The following DCC variants were observed in gnomAD, a reference collection of about 807,000 sequenced individuals.
DCC encodes DCC netrin 1 receptor, also known as netrin receptor DCC.
DCC carries 58 observed loss-of-function variants against 172.5 expected under a neutral mutation model. The observed-to-expected ratio is 0.34, with a 90% confidence interval of 0.27 to 0.42. The LOEUF is 0.42. Ranked by LOEUF, DCC falls within the 10% of genes least tolerant of loss-of-function variation. DCC has a pLI of 1.00. For synonymous variants in DCC, 709 were observed against 644.5 expected (o/e 1.10, Z -1.52); for missense variants, 1,740 against 1,791.0 (o/e 0.97, Z 0.51).
intron 1 of DCC, among the ~76,000 whole-genome samples, chr18:52,439,965 C>T (rs971813240): frequency 1.3e-5 from 2 of 152,100 alleles, no homozygotes; most frequent in Admixed American, 6.6e-5. Context: ...TAGCTGTTTT[C>T]CCAGGAAGGA....
intron 5 of DCC, among the ~76,000 whole-genome samples, chr18:53,035,420 G>A (rs1439872298): frequency 6.6e-6 from 1 of 152,086 alleles, no homozygotes; most frequent in Non-Finnish European, 1.5e-5. Flanking sequence ...ATGGTCTAAA[G>A]ATTCTGGATT....
intron 23 of DCC, among the ~76,000 whole-genome samples, chr18:53,450,976 C>A (rs542242097): frequency 8.5e-4 from 129 of 152,264 alleles, no homozygotes; most frequent in Non-Finnish European, 1.5e-3. Flanking sequence ...TCCACCATGC[C>A]CCTGTTTCTG....
At chr18:52,435,061 G>C (rs547929635) in intron 1 of DCC, among the ~76,000 whole-genome samples, 1 of 152,318 alleles carries the variant, frequency 6.6e-6, no homozygotes, top group African/African-American at 2.4e-5. Context: ...ACTTGAGTTT[G>C]TCTCTCTGGT....
At chr18:53,378,660 C>A (rs1286941757) in intron 15 of DCC, among the ~76,000 whole-genome samples, 4 of 152,142 alleles carry the variant, frequency 2.6e-5, no homozygotes, top group African/African-American at 9.7e-5. Flanking sequence ...TTGTTAAGCA[C>A]CTTCTATCTG....
chr18:53,306,281 T>G (rs2057199560), intron 13 of DCC, among the ~76,000 whole-genome samples: 1 of 152,218 alleles, frequency 6.6e-6, no homozygotes, highest in South Asian at 2.1e-4. Context: ...TTTTTTAAAT[T>G]TTATAAAATA....
chr18:52,400,165 C>A (rs1468707093), intron 1 of DCC, among the ~76,000 whole-genome samples: 2 of 151,902 alleles, frequency 1.3e-5, no homozygotes, highest in African/African-American at 4.8e-5. Context: ...TTTGTTCTGG[C>A]ACTTTTCAAG....
chr18:53,278,798 A>G (rs1325394433), intron 12 of DCC, among the ~76,000 whole-genome samples: 2 of 152,100 alleles, frequency 1.3e-5, no homozygotes, highest in East Asian at 3.9e-4. Flanking sequence ...CAACACCACA[A>G]AGTTGGTGTT....
At chr18:52,719,886 G>A (rs957685524) in intron 1 of DCC, among the ~76,000 whole-genome samples, 4 of 152,208 alleles carry the variant, frequency 2.6e-5, no homozygotes, top group African/African-American at 9.6e-5. Context: ...CAGGGCATGG[G>A]ATAAGGAGTG....
chr18:53,506,617 G>A (rs1020641941), intron 27 of DCC, among the ~76,000 whole-genome samples: 5 of 152,130 alleles, frequency 3.3e-5, no homozygotes, highest in African/African-American at 1.2e-4. Flanking sequence ...TAGCACTTTG[G>A]GAGGCTGAGG....
chr18:53,303,212 C>T (rs562722142), intron 12 of DCC, among the ~76,000 whole-genome samples: 58 of 152,244 alleles, frequency 3.8e-4, no homozygotes, highest in African/African-American at 1.3e-3. Flanking sequence ...AATTCATCTT[C>T]CAACTTATTT....
At chr18:52,538,193 C>T (rs1207873791) in intron 1 of DCC, among the ~76,000 whole-genome samples, 1 of 152,156 alleles carries the variant, frequency 6.6e-6, no homozygotes, top group Non-Finnish European at 1.5e-5. Flanking sequence ...TGCTTACCTC[C>T]AACTACCATC....
chr18:52,628,620 C>A (rs1366580479), intron 1 of DCC, among the ~76,000 whole-genome samples: 1 of 152,158 alleles, frequency 6.6e-6, no homozygotes, highest in African/African-American at 2.4e-5. Context: ...CACTCCCTAC[C>A]CACACCCCTA....
intron 5 of DCC, among the ~76,000 whole-genome samples, chr18:53,007,290 A>G (rs1010719474): frequency 6.6e-6 from 1 of 152,192 alleles, no homozygotes; most frequent in Non-Finnish European, 1.5e-5. Context: ...TAAATTTTAT[A>G]GTAAATTTAC....
intron 14 of DCC, among the ~76,000 whole-genome samples, chr18:53,333,923 T>G (rs2057561791): frequency 6.6e-6 from 1 of 152,200 alleles, no homozygotes; most frequent in South Asian, 2.1e-4. Context: ...CAGGTTTGAC[T>G]AATAGGCATC....
chr18:53,370,713 G>T (rs1165739188), intron 15 of DCC, among the ~76,000 whole-genome samples: 2 of 151,592 alleles, frequency 1.3e-5, no homozygotes, highest in East Asian at 1.9e-4. Context: ...TCCCATTACG[G>T]CCAGAGAAGA....
At chr18:53,354,074 C>T (rs1283627332) in intron 15 of DCC, among the ~76,000 whole-genome samples, 1 of 152,146 alleles carries the variant, frequency 6.6e-6, no homozygotes, top group Non-Finnish European at 1.5e-5. Context: ...CATCCATGTC[C>T]CTACAAAGGA....
chr18:52,413,679 T>A (rs530159817), intron 1 of DCC, among the ~76,000 whole-genome samples: 7 of 152,158 alleles, frequency 4.6e-5, no homozygotes, highest in East Asian at 1.9e-4. Flanking sequence ...CTCTATGAGG[T>A]TTTTAATCCT....
intron 12 of DCC, among the ~76,000 whole-genome samples, chr18:53,240,219 C>G (rs2056273339): frequency 6.6e-6 from 1 of 151,814 alleles, no homozygotes; most frequent in African/African-American, 2.4e-5. Context: ...GAAGAAAAAT[C>G]AGATAAACTT....
At chr18:52,373,073 CA>C (rs1411932836) in intron 1 of DCC, among the ~76,000 whole-genome samples, 1 of 152,042 alleles carries the variant, frequency 6.6e-6, no homozygotes, top group Admixed American at 6.6e-5. Flanking sequence ...GTTTGTTTTT[CA>C]GAGAGAAAGA....
Sources: gnomAD v4.1 joint callset for allele counts (sites outside exome capture counted in the v4.1 genomes callset) on GRCh38, gnomAD v4.1.1 for gene constraint, MANE v1.5 for transcripts, NCBI Gene and HGNC (gene_info 2026-07-23, HGNC 2026-07-21) for gene names.